Variants in DNAJC24 observed in about 807,000 individuals in gnomAD.
The protein encoded by DNAJC24 is DnaJ heat shock protein family (Hsp40) member C24.
A neutral mutation model predicts 18.0 loss-of-function variants in DNAJC24; 17 were observed. That is an observed-to-expected ratio of 0.94 (90% CI 0.65 to 1.42). The LOEUF is 1.42. DNAJC24 is among the 40% of genes most tolerant of loss of function. DNAJC24 has a pLI of 0.00. For missense variants in DNAJC24, 158 were observed against 175.6 expected (o/e 0.90, Z 0.57); for synonymous variants, 55 against 57.7 (o/e 0.95, Z 0.21).
chr11:31,389,220 A>C (rs2133476436), intron 2 of DNAJC24, among the ~76,000 whole-genome samples: 1 of 152,304 alleles, frequency 6.6e-6, no homozygotes, highest in East Asian at 1.9e-4. Context: ...TGGCTGAATG[A>C]ATTAGAAAAA....
At chr11:31,380,009 A>T (rs1952361014) in intron 2 of DNAJC24, among the ~76,000 whole-genome samples, 1 of 152,084 alleles carries the variant, frequency 6.6e-6, no homozygotes, top group Admixed American at 6.5e-5. Flanking sequence ...ACCTCAGGTG[A>T]TCCACCCGCC....
At chr11:31,379,510 A>T (rs892048606) in intron 2 of DNAJC24, among the ~76,000 whole-genome samples, 1 of 152,132 alleles carries the variant, frequency 6.6e-6, no homozygotes, top group Non-Finnish European at 1.5e-5. Context: ...TTTTTTTCTT[A>T]ATTTAACATA....
chr11:31,393,760 T>C (rs552750243), intron 2 of DNAJC24, among the ~76,000 whole-genome samples: 1 of 152,302 alleles, frequency 6.6e-6, no homozygotes, highest in Non-Finnish European at 1.5e-5. Context: ...GATATTTTGT[T>C]ATAGCAGCAT....
intron 2 of DNAJC24, among the ~76,000 whole-genome samples, chr11:31,404,799 A>G (rs1302422764): frequency 1.3e-5 from 2 of 152,012 alleles, no homozygotes; most frequent in Non-Finnish European, 2.9e-5. Flanking sequence ...TGTTTGGAAT[A>G]TGTATCTACT....
At chr11:31,418,795 T>A (rs1372363992) in intron 3 of DNAJC24, among the ~76,000 whole-genome samples, 1 of 152,072 alleles carries the variant, frequency 6.6e-6, no homozygotes, top group Non-Finnish European at 1.5e-5. Flanking sequence ...CTTAGGTAGA[T>A]ACAAGAGGTC....
chr11:31,407,057 T>A (rs1054566611), intron 2 of DNAJC24, among the ~76,000 whole-genome samples: 2 of 152,166 alleles, frequency 1.3e-5, no homozygotes, highest in Non-Finnish European at 2.9e-5. Flanking sequence ...AAAATTTGGT[T>A]CTAGAATTCA....
intron 2 of DNAJC24, among the ~76,000 whole-genome samples, chr11:31,410,978 G>A (rs553739743): frequency 5.3e-5 from 8 of 152,246 alleles, no homozygotes; most frequent in Admixed American, 5.2e-4. Flanking sequence ...TATTTGATAG[G>A]TGAATGAATG....
chr11:31,379,200 A>T (rs2133468934), intron 2 of DNAJC24, among the ~76,000 whole-genome samples: 1 of 152,290 alleles, frequency 6.6e-6, no homozygotes, highest in South Asian at 2.1e-4. Context: ...GCCATGCAGC[A>T]GGTGGTGCGG....
At chr11:31,411,297 C>T (rs1247334109) in intron 2 of DNAJC24, among the ~76,000 whole-genome samples, 1 of 152,166 alleles carries the variant, frequency 6.6e-6, no homozygotes, top group East Asian at 1.9e-4. Flanking sequence ...ATGAGTAGCC[C>T]TTGTAATTGA....
Position 31,408,264 on chromosome 11 carries a change from C to T in DNAJC24, c.112-6547C>T, listed in dbSNP as rs901470926. On this transcript the variant is annotated intron_variant, in intron 2 of 4. Transcript: ENST00000465995. ...ACAGTGTGCTTCTCAAATTTTAGCA[C>T]GCGTAACAGTTGCTTGGAGAGCTTG... is the stretch of plus-strand genomic sequence containing the variant. 9.9e-5 allele frequency: 45 copies of T among 452,566 alleles called. 1 individual carries two copies. The highest frequency in any genetic ancestry group is 7.1e-4 in the Admixed American group (30 of 42,170). The allele number at this position is 452,566 out of a possible 1,614,324, so 28.0% of individuals were successfully genotyped here.
chr11:31,397,199 T>A (rs2133482658), intron 2 of DNAJC24, among the ~76,000 whole-genome samples: 1 of 152,324 alleles, frequency 6.6e-6, no homozygotes, highest in South Asian at 2.1e-4. Flanking sequence ...CCCTGTTTAT[T>A]CATCATGGTA....
At chr11:31,407,588 G>A (rs966222553) in intron 2 of DNAJC24, 2 of 150,730 alleles carry the variant, frequency 1.3e-5, no homozygotes, top group East Asian at 3.9e-4. Context: ...GGGAGGCTGA[G>A]GCGGGAGGAT....
At chr11:31,419,807 A>G (rs557194109) in intron 3 of DNAJC24, among the ~76,000 whole-genome samples, 1 of 152,046 alleles carries the variant, frequency 6.6e-6, no homozygotes, top group East Asian at 1.9e-4. Context: ...ACTTTGCTCC[A>G]TTTACAGTCA....
chr11:31,393,951 AAC>A (rs1195091003), intron 2 of DNAJC24, among the ~76,000 whole-genome samples: 2 of 152,182 alleles, frequency 1.3e-5, no homozygotes, highest in South Asian at 2.1e-4. Context: ...CTCTGCTCAC[AAC>A]AGTTTCCTCA....
At chr11:31,379,403 C>T (rs929212786) in intron 2 of DNAJC24, among the ~76,000 whole-genome samples, 1 of 152,200 alleles carries the variant, frequency 6.6e-6, no homozygotes, top group Admixed American at 6.5e-5. Context: ...ATACTCCCTA[C>T]ACCCCCATCC....
intron 2 of DNAJC24, among the ~76,000 whole-genome samples, chr11:31,413,660 A>G (rs1159544969): frequency 6.6e-6 from 1 of 152,044 alleles, no homozygotes; most frequent in Non-Finnish European, 1.5e-5. Flanking sequence ...TGATAGATTC[A>G]TTTTCATGGT....
At chr11:31,379,478 G>A (rs1197290953) in intron 2 of DNAJC24, among the ~76,000 whole-genome samples, 5 of 152,110 alleles carry the variant, frequency 3.3e-5, no homozygotes, top group African/African-American at 7.2e-5. Context: ...CGCTGCTCTC[G>A]CTGACCCACC....
At chr11:31,393,540 A>T (rs559656922) in intron 2 of DNAJC24, among the ~76,000 whole-genome samples, 4 of 152,088 alleles carry the variant, frequency 2.6e-5, no homozygotes, top group African/African-American at 4.8e-5. Flanking sequence ...GAAAAGGGCA[A>T]GTTCAGTTCC....
chr11:31,422,220 G>A, intron 3 of DNAJC24: 1 of 180,002 alleles, frequency 5.6e-6, no homozygotes, highest in Non-Finnish European at 1.2e-5. Flanking sequence ...AAATAGATTT[G>A]GAAGTTTTTC....
Sources: allele counts gnomAD v4.1 joint callset (sites outside exome capture counted in the v4.1 genomes callset), GRCh38; gene constraint gnomAD v4.1.1; transcripts MANE v1.5; gene names NCBI Gene and HGNC (gene_info 2026-07-23, HGNC 2026-07-21).